The following DHX37 variants were observed in gnomAD, a reference collection of about 807,000 sequenced individuals.
DHX37 encodes the protein DEAH-box helicase 37.
Under a neutral mutation model 134.3 loss-of-function variants are expected in DHX37, and 52 were observed. That is an observed-to-expected ratio of 0.39 (90% CI 0.31 to 0.49). The LOEUF is 0.49. DHX37 is among the 20% of genes least tolerant of loss of function. The probability of loss-of-function intolerance (pLI) is 0.93; values close to 1 mark genes in which losing one functional copy is unlikely to be tolerated. For synonymous variants in DHX37, 634 were observed against 670.7 expected (o/e 0.95, Z 0.85); for missense variants, 1,344 against 1,580.8 (o/e 0.85, Z 2.54).
chr12:124,982,189 C>G (rs961400157), intron 3 of DHX37, among the ~76,000 whole-genome samples: 2 of 152,018 alleles, frequency 1.3e-5, no homozygotes, highest in Admixed American at 6.6e-5. Flanking sequence ...CAAATCCAGC[C>G]CTTGACCACC....
At chr12:124,987,958 C>G (rs76350782) in intron 1 of DHX37, among the ~76,000 whole-genome samples, 3,536 of 147,974 alleles carry the variant, frequency 0.024, 119 homozygotes, top group African/African-American at 0.083. Flanking sequence ...GTTAGGGGAT[C>G]TGCCTCAACT....
chr12:124,963,285 C>A (rs1198702125), intron 15 of DHX37, among the ~76,000 whole-genome samples: 1 of 152,178 alleles, frequency 6.6e-6, no homozygotes, highest in African/African-American at 2.4e-5. Context: ...TTGCATTTAT[C>A]TGAATTGCCC....
rs747375904 is a variant in DHX37, at chr12:124,986,182, G to C, written c.190C>G (p.Leu64Val). 1.2e-6 allele frequency: 2 copies of C among 1,614,092 alleles called. No individual in the cohort carries two copies. Among genetic ancestry groups the C allele is most frequent in the Non-Finnish European group, 1.7e-6 (2 of 1,180,058 alleles). The change falls in exon 2 of 27, where the codon CTG becomes GTG. Residue 64 changes from leucine to valine, a missense_variant. By Grantham distance (32) the Leu-to-Val change is conservative. This residue lies in a region of DHX37 where 319 missense variants were observed against 296.1 expected (regional missense o/e 1.08). Transcript: ENST00000308736. ...KKKKKTKAPP[L>V]SKKEKKPLTK... Reference sequence around the variant, plus strand: ...AGAGGCTTCTTCTCCTTCTTCGACAGGGGAGGGGCTTTGGTCTTCTTTTTC... The same window carrying C: ...AGAGGCTTCTTCTCCTTCTTCGACACGGGAGGGGCTTTGGTCTTCTTTTTC...
In DHX37 at chr12:124,950,085, G is replaced by A. The variant is rs772886624; in HGVS notation, c.3217-26C>T. On this transcript the variant is annotated intron_variant, in intron 24 of 26. Transcript: ENST00000308736. ...CTGATGAGAGACCACAGGAAGGGGT[G>A]AGGCCCGGGCTGCTGCTGCCCACGG... 6.8e-6 allele frequency: 11 copies of A among 1,613,740 alleles called. No individual in the cohort carries two copies. In the African/African-American group the frequency reaches 1.3e-4, roughly 20 times the overall value.
intron 21 of DHX37, among the ~76,000 whole-genome samples, chr12:124,951,317 A>G (rs1238468176): frequency 6.6e-6 from 1 of 151,460 alleles, no homozygotes. Context: ...GACACCTGCC[A>G]TGGCGTGGAT....
chr12:124,959,361 C>A (rs985175443), intron 16 of DHX37, among the ~76,000 whole-genome samples: 1 of 151,006 alleles, frequency 6.6e-6, no homozygotes, highest in African/African-American at 2.5e-5. Context: ...GCGTGAGCCA[C>A]CACGCCCAGC....
chr12:124,957,841 A>G (rs1460721418), intron 16 of DHX37, among the ~76,000 whole-genome samples: 1 of 152,192 alleles, frequency 6.6e-6, no homozygotes, highest in Admixed American at 6.6e-5. Context: ...AGATGGAAGC[A>G]ACCTGTGCGT....
Position 124,954,010 on chromosome 12 carries a change from AG to A in DHX37, c.2579-15del. 1 of 1,613,566 alleles carries A rather than the reference AG, an allele frequency of 6.2e-7. No individual in the cohort carries two copies. Among genetic ancestry groups the A allele is most frequent in the Non-Finnish European group, 8.5e-7 (1 of 1,179,952 alleles). ...CTCCCACGGCGCCTGGGGAACGAAG[AG>A]GGGGCATGCTCTCTCTCTGACCCAT... On this transcript the variant is annotated splice_polypyrimidine_tract_variant and intron_variant, in intron 19 of 26. Coordinates refer to ENST00000308736, the MANE Select transcript of DHX37 (RefSeq NM_032656.4).
At position 124,952,383 on chromosome 12, in the gene DHX37, C is replaced by T. The variant is rs771564965; in HGVS notation, c.2868+15G>A. The T allele has an allele frequency of 6.3e-6, 10 of 1,596,368 alleles. No individual in the cohort carries two copies. Among genetic ancestry groups the T allele is most frequent in the Non-Finnish European group, 7.7e-6 (9 of 1,174,326 alleles). ...GCCCCAAGCTACCCGGGCAGGGAGG[C>T]GGTGGGGGCCGCACCTTGTAGGCGT... On this transcript the variant is annotated intron_variant, in intron 21 of 26. Transcript: ENST00000308736.
At position 124,980,088 on chromosome 12, in the gene DHX37, G is replaced by A. The variant is rs541015788; in HGVS notation, c.738+402C>T. ...GAGAGGGGGAGCCCCTTCAGTAGCC[G>A]GAATATTCCCATTTTACAGATGCGC... On this transcript the variant is annotated intron_variant, in intron 4 of 26. Coordinates refer to ENST00000308736, the MANE Select transcript of DHX37 (RefSeq NM_032656.4). This position sits in a 1 kb window ranked among gnomAD's most constrained non-coding sequence, Gnocchi z 5.3. Among the ~76,000 whole-genome samples, 5 of 152,344 alleles carry A rather than the reference G, an allele frequency of 3.3e-5. No homozygotes were observed. The South Asian group carries it at 8.3e-4, about 25-fold the overall frequency.
At chr12:124,973,637 G>A (rs7973821) in intron 6 of DHX37, among the ~76,000 whole-genome samples, 1 of 131,952 alleles carries the variant, frequency 7.6e-6, no homozygotes, top group Non-Finnish European at 1.5e-5. Flanking sequence ...CCCCCCCAAC[G>A]CTTTTTTTTT....
chr12:124,983,310 C>T (rs756363319), intron 2 of DHX37, among the ~76,000 whole-genome samples: 12 of 151,498 alleles, frequency 7.9e-5, no homozygotes, highest in African/African-American at 1.7e-4. Flanking sequence ...GGGGTTTCAC[C>T]GTGGTCTCGA....
rs755816572 is a variant in DHX37 at position 124,963,544 on chromosome 12, C to A, written c.2045+850G>T. ...CTGATCAAGCTGTTAACAAACAGCACTCAAGAGCTGCCCCTGACCTCAGTA... is the reference window on the plus strand; with the variant it reads ...CTGATCAAGCTGTTAACAAACAGCAATCAAGAGCTGCCCCTGACCTCAGTA... On this transcript the variant is annotated intron_variant, in intron 15 of 26. Transcript: ENST00000308736. 1.4e-4 allele frequency among the ~76,000 whole-genome samples: 21 copies of A among 152,210 alleles called. 2 individuals carry two copies. The Middle Eastern group carries it at 0.024, about 173-fold the overall frequency.
chr12:124,988,623 A>G (rs927777046), intron 1 of DHX37, among the ~76,000 whole-genome samples: 1 of 152,130 alleles, frequency 6.6e-6, no homozygotes, highest in African/African-American at 2.4e-5. Flanking sequence ...GGAGATTATA[A>G]AGAGATTATA....
chr12:124,989,048 C>G lies in DHX37; in HGVS notation c.-26G>C. The G allele has an allele frequency of 7.5e-7, 1 of 1,325,154 alleles. No homozygotes were observed. Among genetic ancestry groups the G allele is most frequent in the Non-Finnish European group, 9.7e-7 (1 of 1,030,018 alleles). The allele number at this position is 1,325,154 out of a possible 1,614,324, so 82.1% of individuals were successfully genotyped here. On this transcript the variant is annotated 5_prime_UTR_variant, in exon 1 of 27. Transcript: ENST00000308736. ...GGCGACTAGGCCAGGGTGGGCGCTC[C>G]AGCGGCCGGACCAGCAGAGCAATCC...
intron 4 of DHX37, 85 bp from the exon 5 acceptor site, chr12:124,977,575 G>A: frequency 1.4e-6 from 2 of 1,443,380 alleles, no homozygotes; most frequent in Non-Finnish European, 1.8e-6. Flanking sequence ...GCTGACACAT[G>A]GGTGCTGAAC....
chr12:124,988,989 C>T lies in DHX37; in HGVS notation c.34G>A (p.Gly12Arg). The change falls in exon 1 of 27, where the codon GGG (glycine) becomes AGG (arginine). Residue 12 changes from glycine (G) to arginine (R), a missense_variant. Gly to Arg is a moderately radical substitution (Grantham distance 125). Around this residue, in one of 7 missense-constraint regions of DHX37, gnomAD observed 319 missense variants for 296.1 expected, o/e 1.08. Transcript: ENST00000308736. ...GKLRRRYNIKGRQQAGPGPSK... is the reference protein window; with the variant it reads ...GKLRRRYNIKRRQQAGPGPSK... ...GGTCCGGGGCCCGCCTGCTGGCGCCCCTTGATGTTGTAGCGCCGGCGCAGC... is the reference window on the plus strand; with the variant it reads ...GGTCCGGGGCCCGCCTGCTGGCGCCTCTTGATGTTGTAGCGCCGGCGCAGC... 1 of 1,368,220 alleles carries T rather than the reference C, an allele frequency of 7.3e-7. No individual in the cohort carries two copies. The highest frequency in any genetic ancestry group is 9.5e-7 in the Non-Finnish European group (1 of 1,053,022). 84.8% of individuals were successfully genotyped at this position (1,368,220 alleles called of 1,614,324 possible).
chr12:124,956,786 C>T lies in DHX37; in HGVS notation c.2358G>A (p.Lys786=). 6.2e-7 allele frequency: 1 copy of T among 1,612,206 alleles called. No homozygotes were observed. Among genetic ancestry groups the T allele is most frequent in the South Asian group, 1.1e-5 (1 of 91,016 alleles). ...CGTGTTGTCGGCTCAGTGCCAGCAT[C>T]TTAGCGTAGCGGGGTGCCACGGGGA... is the stretch of plus-strand genomic sequence containing the variant. The part of the protein sequence containing the change: ...ATFPVAPRYA[K]MLALSRQHGC... The change falls in exon 18 of 27, where the codon AAG becomes AAA. Residue 786 remains lysine, a synonymous_variant. Transcript: ENST00000308736.
intron 5 of DHX37, among the ~76,000 whole-genome samples, chr12:124,977,120 A>C (rs1954663761): frequency 6.6e-6 from 1 of 152,096 alleles, no homozygotes. Context: ...TGTGCTACGC[A>C]AGTTCACTCA....
Sources: allele counts gnomAD v4.1 joint callset (sites outside exome capture counted in the v4.1 genomes callset), GRCh38; gene constraint gnomAD v4.1.1; regional missense constraint gnomAD v4.1.1; non-coding constraint Gnocchi (gnomAD v3.1); transcripts MANE v1.5; gene names NCBI Gene and HGNC (gene_info 2026-07-23, HGNC 2026-07-21).